TSPAN9: variants seen among roughly 807,000 people sequenced by gnomAD.
TSPAN9 encodes the protein tetraspanin 9.
A neutral mutation model predicts 31.0 loss-of-function variants in TSPAN9; 16 were observed. The ratio of observed to expected loss-of-function variants is 0.52; its 90% CI spans 0.35 to 0.78. The LOEUF (loss-of-function observed/expected upper bound fraction) is 0.78, where lower values mean the gene tolerates loss of function less well. Ranked by LOEUF, TSPAN9 falls within the 30% of genes least tolerant of loss-of-function variation. TSPAN9 has a pLI of 0.01. For synonymous variants in TSPAN9, 145 were observed against 121.6 expected (o/e 1.19, Z -1.27); for missense variants, 272 against 312.5 (o/e 0.87, Z 0.98).
chr12:3,218,961 G>C (rs966449830), intron 3 of TSPAN9, among the ~76,000 whole-genome samples: 2 of 152,202 alleles, frequency 1.3e-5, no homozygotes, highest in African/African-American at 2.4e-5. Context: ...CATGTCAGCT[G>C]TCAGGGCCAC....
At chr12:3,252,282 T>C (rs990687622) in intron 3 of TSPAN9, among the ~76,000 whole-genome samples, 1 of 152,198 alleles carries the variant, frequency 6.6e-6, no homozygotes, top group African/African-American at 2.4e-5. Flanking sequence ...GTGTAGCCTC[T>C]GGCCAGGCTT....
At chr12:3,249,678 C>T (rs1427220276) in intron 3 of TSPAN9, among the ~76,000 whole-genome samples, 1 of 152,196 alleles carries the variant, frequency 6.6e-6, no homozygotes, top group African/African-American at 2.4e-5. Flanking sequence ...CTTAGGGCTT[C>T]ACATATGTTT....
At chr12:3,250,088 A>G (rs1862220338) in intron 3 of TSPAN9, among the ~76,000 whole-genome samples, 1 of 152,138 alleles carries the variant, frequency 6.6e-6, no homozygotes, top group South Asian at 2.1e-4. Flanking sequence ...TGTTTCCTCC[A>G]GGGCTGTCTT....
At chr12:3,130,014 G>A (rs1482433824) in intron 2 of TSPAN9, among the ~76,000 whole-genome samples, 3 of 152,202 alleles carry the variant, frequency 2.0e-5, no homozygotes, top group East Asian at 3.9e-4. Flanking sequence ...TCTTTCTTGC[G>A]TGGATCACCG....
At chr12:3,180,070 C>T (rs1240857768) in intron 2 of TSPAN9, among the ~76,000 whole-genome samples, 2 of 152,122 alleles carry the variant, frequency 1.3e-5, no homozygotes, top group African/African-American at 2.4e-5. Flanking sequence ...GACTTGTGGG[C>T]CATTCGTGTC....
intron 3 of TSPAN9, among the ~76,000 whole-genome samples, chr12:3,226,786 A>ATTTTT (rs2098387988): frequency 1.8e-4 from 1 of 5,646 alleles, no homozygotes; most frequent in African/African-American, 8.3e-4. Context: ...ATATATATAT[A>ATTTTT]TATATATATT....
intron 3 of TSPAN9, among the ~76,000 whole-genome samples, chr12:3,204,969 C>T (rs1007393839): frequency 2.0e-5 from 3 of 152,132 alleles, no homozygotes; most frequent in African/African-American, 7.2e-5. Flanking sequence ...AGACTCGGAG[C>T]TTCAAACTGT....
Position 3,138,578 on chromosome 12 carries a change from C to T in TSPAN9, c.-18+54859C>T, listed in dbSNP as rs568294772. On this transcript the variant is annotated intron_variant, in intron 2 of 8. Transcript: ENST00000011898. ...GCTCAAGTGATCCTCCCTCCTCAGA[C>T]TCCCAAGTATTTGGTGTCTGGGACT... 1.2e-4 allele frequency among the ~76,000 whole-genome samples: 19 copies of T among 152,072 alleles called. No individual in the cohort carries two copies. The East Asian group carries it at 3.5e-3, about 28-fold the overall frequency.
intron 5 of TSPAN9, 22 bp downstream of exon 5, chr12:3,279,088 G>T: frequency 6.2e-7 from 1 of 1,609,824 alleles, no homozygotes; most frequent in Non-Finnish European, 8.5e-7. Context: ...CAGATGGGAG[G>T]GGGCATATGG....
intron 2 of TSPAN9, among the ~76,000 whole-genome samples, chr12:3,134,467 G>A (rs34152813): frequency 0.2 from 30,182 of 152,132 alleles, 3,244 homozygotes; most frequent in African/African-American, 0.28. Flanking sequence ...CCAGTTAGGG[G>A]ATGGTCAAGG....
At chr12:3,277,916 G>A (rs1472545803) in intron 3 of TSPAN9, among the ~76,000 whole-genome samples, 1 of 152,234 alleles carries the variant, frequency 6.6e-6, no homozygotes, top group African/African-American at 2.4e-5. Flanking sequence ...TCGGGTCAGA[G>A]TAACAGGACA....
At chr12:3,095,602 A>C (rs1376636401) in intron 2 of TSPAN9, among the ~76,000 whole-genome samples, 1 of 87,378 alleles carries the variant, frequency 1.1e-5, no homozygotes, top group Non-Finnish European at 2.5e-5. Flanking sequence ...CTCACCTCCC[A>C]GACGGGGCGG....
chr12:3,234,153 G>C (rs1040952980), intron 3 of TSPAN9, among the ~76,000 whole-genome samples: 28 of 152,222 alleles, frequency 1.8e-4, no homozygotes, highest in African/African-American at 6.0e-4. Context: ...GCCAAGATCA[G>C]GGAAGGAAGA....
intron 7 of TSPAN9, 78 bp downstream of exon 7, chr12:3,281,407 C>G: frequency 1.4e-6 from 2 of 1,468,382 alleles, no homozygotes; most frequent in Non-Finnish European, 9.0e-7. Context: ...ATAGGGGAGG[C>G]TGGGCCCGGG....
At chr12:3,281,910 C>A in intron 8 of TSPAN9, 93 bp downstream of exon 8, 2 of 1,372,626 alleles carry the variant, frequency 1.5e-6, no homozygotes, top group Non-Finnish European at 2.1e-6. Context: ...TGTTGGTACA[C>A]GGCGGAGGGT....
At chr12:3,174,921 G>A (rs530798739) in intron 2 of TSPAN9, among the ~76,000 whole-genome samples, 40 of 152,220 alleles carry the variant, frequency 2.6e-4, no homozygotes, top group Non-Finnish European at 4.9e-4. Flanking sequence ...TACCTGAGGA[G>A]CTCCTGATTT....
At chr12:3,214,806 A>G (rs1336614965) in intron 3 of TSPAN9, among the ~76,000 whole-genome samples, 3 of 151,898 alleles carry the variant, frequency 2.0e-5, no homozygotes, top group South Asian at 2.1e-4. Flanking sequence ...GCTCCTTCCT[A>G]TTGTTAGAAG....
chr12:3,136,109 A>G (rs1218973220), intron 2 of TSPAN9, among the ~76,000 whole-genome samples: 1 of 152,206 alleles, frequency 6.6e-6, no homozygotes, highest in East Asian at 1.9e-4. Flanking sequence ...GGGAGGGACA[A>G]CAGCGTAAGA....
intron 3 of TSPAN9, among the ~76,000 whole-genome samples, chr12:3,268,937 CCT>C (rs1407815380): frequency 3.5e-5 from 4 of 114,598 alleles, no homozygotes; most frequent in South Asian, 3.4e-4. Flanking sequence ...TGCAGCCTGC[CCT>C]CTCTGTGTTC....
Sources: allele counts gnomAD v4.1 joint callset (sites outside exome capture counted in the v4.1 genomes callset), GRCh38; gene constraint gnomAD v4.1.1; transcripts MANE v1.5; gene names NCBI Gene and HGNC (gene_info 2026-07-23, HGNC 2026-07-21).